ZNF177: variants seen among roughly 807,000 people sequenced by gnomAD.
ZNF177 encodes zinc finger protein 177.
A neutral mutation model predicts 19.4 loss-of-function variants in ZNF177; 17 were observed. The ratio of observed to expected loss-of-function variants is 0.87; its 90% CI spans 0.60 to 1.31. The LOEUF (loss-of-function observed/expected upper bound fraction) is 1.31, where lower values mean the gene tolerates loss of function less well. ZNF177 is among the 40% of genes most tolerant of loss of function. ZNF177 has a pLI of 0.00. For missense variants in ZNF177, 633 were observed against 561.8 expected (o/e 1.13, Z -1.28); for synonymous variants, 220 against 188.7 (o/e 1.17, Z -1.36).
intron 2 of ZNF177, among the ~76,000 whole-genome samples, chr19:9,365,620 G>A (rs562251233): frequency 6.6e-6 from 1 of 152,292 alleles, no homozygotes; most frequent in South Asian, 2.1e-4. Flanking sequence ...CCTCTGAAAT[G>A]TGGGTGAATA....
At chr19:9,366,940 T>C (rs2067987873) in intron 2 of ZNF177, among the ~76,000 whole-genome samples, 1 of 152,242 alleles carries the variant, frequency 6.6e-6, no homozygotes, top group Non-Finnish European at 1.5e-5. Context: ...CTAATGATGT[T>C]CAGCATCTTT....
At chr19:9,376,170 TG>T (rs1394870563), upstream of ZNF177, 1 of 152,212 alleles carries the variant, frequency 6.6e-6, no homozygotes, top group African/African-American at 2.4e-5. Flanking sequence ...ATAGGGTCTC[TG>T]TCACCCAGGC....
intron 1 of ZNF177, 46 bp from the exon 4 acceptor site, chr19:9,378,213 A>C: frequency 6.5e-7 from 1 of 1,527,764 alleles, no homozygotes; most frequent in Non-Finnish European, 8.8e-7. Flanking sequence ...CTAGTGTTGA[A>C]CATCTAGCAG....
At chr19:9,381,014 G>A (rs959398791) in exon 6 of ZNF177, 1 of 1,585,610 alleles carries the variant, frequency 6.3e-7, no homozygotes, top group Non-Finnish European at 8.5e-7. Flanking sequence ...ATACCTACTG[G>A]AGAGAAAGGT....
chr19:9,370,637 G>C (rs1362015198), intron 2 of ZNF177, among the ~76,000 whole-genome samples: 1 of 152,054 alleles, frequency 6.6e-6, no homozygotes, highest in Non-Finnish European at 1.5e-5. Context: ...GCCCAGGCTA[G>C]TCTCAAACTC....
intron 3 of ZNF177, 176 bp downstream of exon 5, chr19:9,379,264 C>A: frequency 8.3e-7 from 1 of 1,199,194 alleles, no homozygotes; most frequent in Non-Finnish European, 1.1e-6. Context: ...ATTTCATTTT[C>A]TCTATCACTA....
intron 2 of ZNF177, among the ~76,000 whole-genome samples, chr19:9,370,831 C>T (rs945802729): frequency 3.9e-5 from 6 of 152,128 alleles, no homozygotes; most frequent in Admixed American, 2.0e-4. Flanking sequence ...GATCTGTGGT[C>T]GAGTAGCCAA....
exon 6 of ZNF177, chr19:9,381,513 G>T (rs1234191229): frequency 6.2e-7 from 1 of 1,614,194 alleles, no homozygotes; most frequent in East Asian, 2.2e-5. Flanking sequence ...CTGGAGAGAA[G>T]CCTTATGAGT....
rs965264256 is a variant in ZNF177 at position 9,380,477 on chromosome 19, A to G, written c.337-191A>G. ...TTGCTGGGAAGGAATAGAGCCTTGG[A>G]CAGAGGAGTGAGCTTATTCAACTCG... is the stretch of plus-strand genomic sequence containing the variant. On this transcript the variant is annotated intron_variant, in intron 5 of 5. Transcript: ENST00000589262. 1.6e-5 allele frequency: 18 copies of G among 1,126,338 alleles called. No individual in the cohort carries two copies. The East Asian group carries it at 4.6e-4, about 29-fold the overall frequency. The allele number at this position is 1,126,338 out of a possible 1,614,324, so 69.8% of individuals were successfully genotyped here.
At chr19:9,379,410 A>T in intron 3 of ZNF177, 117 bp from the exon 6 acceptor site, 1 of 1,358,382 alleles carries the variant, frequency 7.4e-7, no homozygotes, top group Non-Finnish European at 9.8e-7. Flanking sequence ...GTTGTTCCTA[A>T]AGCTGCACTT....
intron 2 of ZNF177, among the ~76,000 whole-genome samples, chr19:9,365,318 G>GA (rs560848561): frequency 6.6e-6 from 1 of 151,548 alleles, no homozygotes; most frequent in African/African-American, 2.4e-5. Flanking sequence ...GGCAAGCCCA[G>GA]AAAAAAGAGA....
intron 2 of ZNF177, among the ~76,000 whole-genome samples, chr19:9,370,573 C>G (rs1440757121): frequency 6.6e-6 from 1 of 152,048 alleles, no homozygotes. Context: ...GCCACCACGC[C>G]TGGATAATTT....
chr19:9,373,121 AATAC>A (rs1214375042), upstream of ZNF177, among the ~76,000 whole-genome samples: 1 of 152,132 alleles, frequency 6.6e-6, no homozygotes, highest in Non-Finnish European at 1.5e-5. Context: ...TATAACAGCA[AATAC>A]ATACCCATTG....
At chr19:9,367,095 C>T (rs1210287882) in intron 2 of ZNF177, among the ~76,000 whole-genome samples, 6 of 152,244 alleles carry the variant, frequency 3.9e-5, no homozygotes, top group East Asian at 3.9e-4. Flanking sequence ...CCCAGGCGGG[C>T]GGATCATGAG....
chr19:9,375,719 C>T (rs936720647), upstream of ZNF177, among the ~76,000 whole-genome samples: 1 of 152,078 alleles, frequency 6.6e-6, no homozygotes, highest in African/African-American at 2.4e-5. Flanking sequence ...CTATTTTAAT[C>T]TTAAGTAGTC....
At chr19:9,375,675 TTC>T, upstream of ZNF177, among the ~76,000 whole-genome samples, 1 of 152,290 alleles carries the variant, frequency 6.6e-6, no homozygotes, top group African/African-American at 2.4e-5. Context: ...TTGTAATGCC[TTC>T]TCTTTCATTT....
exon 6 of ZNF177, chr19:9,381,385 C>T (rs867274400): frequency 6.2e-7 from 1 of 1,612,552 alleles, no homozygotes; most frequent in Non-Finnish European, 8.5e-7. Context: ...TTTCACTGTT[C>T]CTTCATCCCT....
upstream of ZNF177, among the ~76,000 whole-genome samples, chr19:9,373,763 T>C (rs868720166): frequency 3.3e-5 from 5 of 152,330 alleles, no homozygotes; most frequent in Middle Eastern, 0.017. Flanking sequence ...TCTATTTAGA[T>C]CCTTTACCCA....
At chr19:9,374,108 T>C (rs2068081354), upstream of ZNF177, among the ~76,000 whole-genome samples, 1 of 152,158 alleles carries the variant, frequency 6.6e-6, no homozygotes, top group Non-Finnish European at 1.5e-5. Context: ...TAATTTCACT[T>C]TTTCACATGT....
Sources: gnomAD v4.1 joint callset for allele counts (sites outside exome capture counted in the v4.1 genomes callset) on GRCh38, gnomAD v4.1.1 for gene constraint, MANE v1.5 for transcripts, NCBI Gene and HGNC (gene_info 2026-07-23, HGNC 2026-07-21) for gene names.